RBM47: variants seen among roughly 807,000 people sequenced by gnomAD.
RBM47 encodes the protein RNA binding motif protein 47.
Under a neutral mutation model 47.1 loss-of-function variants are expected in RBM47, and 21 were observed. That is an observed-to-expected ratio of 0.45 (90% CI 0.32 to 0.64). RBM47 has a LOEUF of 0.64. Ranked by LOEUF, RBM47 falls within the 30% of genes least tolerant of loss-of-function variation. RBM47 has a pLI of 0.05. For synonymous variants in RBM47, 375 were observed against 361.7 expected (o/e 1.04, Z -0.42); for missense variants, 708 against 870.9 (o/e 0.81, Z 2.35).
intron 1 of RBM47, among the ~76,000 whole-genome samples, chr4:40,574,814 C>A (rs1301431660): frequency 6.6e-6 from 1 of 152,166 alleles, no homozygotes; most frequent in Non-Finnish European, 1.5e-5. Flanking sequence ...CACACAACTG[C>A]ACTCTAGCCT....
chr4:40,458,896 T>C (rs1716684608), intron 3 of RBM47, among the ~76,000 whole-genome samples: 1 of 152,134 alleles, frequency 6.6e-6, no homozygotes, highest in Non-Finnish European at 1.5e-5. Context: ...CTTTAAAAAT[T>C]TGGAAAAGTA....
intron 1 of RBM47, among the ~76,000 whole-genome samples, chr4:40,609,267 G>A (rs1736036325): frequency 6.6e-6 from 1 of 151,714 alleles, no homozygotes; most frequent in African/African-American, 2.4e-5. Context: ...TGGGATTACA[G>A]GTATGAGCCA....
intron 3 of RBM47, among the ~76,000 whole-genome samples, chr4:40,456,017 T>C (rs1716182239): frequency 6.6e-6 from 1 of 152,250 alleles, no homozygotes; most frequent in Non-Finnish European, 1.5e-5. Context: ...TATTACCTTC[T>C]ACATTTATGT....
At chr4:40,615,988 C>T (rs772453916) in intron 1 of RBM47, among the ~76,000 whole-genome samples, 5 of 152,146 alleles carry the variant, frequency 3.3e-5, no homozygotes, top group Non-Finnish European at 5.9e-5. Flanking sequence ...TCTATAGCCA[C>T]GGTTGCAAAA....
intron 2 of RBM47, among the ~76,000 whole-genome samples, chr4:40,481,349 T>C (rs1440522493): frequency 1.3e-5 from 2 of 150,216 alleles, no homozygotes; most frequent in East Asian, 3.9e-4. Flanking sequence ...CTTGGCTCAC[T>C]GTAACATCTG....
chr4:40,627,898 TAAA>T (rs567982559), intron 1 of RBM47, among the ~76,000 whole-genome samples: 3 of 151,882 alleles, frequency 2.0e-5, no homozygotes, highest in Non-Finnish European at 4.4e-5. Flanking sequence ...TAGAGATTGG[TAAA>T]AAAAATGATG....
At chr4:40,458,752 T>C (rs1716658155) in intron 3 of RBM47, among the ~76,000 whole-genome samples, 2 of 151,070 alleles carry the variant, frequency 1.3e-5, no homozygotes, top group Non-Finnish European at 2.9e-5. Flanking sequence ...CTGGTGATAA[T>C]TGTTTTTTTT....
At chr4:40,589,352 T>G (rs886601216) in intron 1 of RBM47, among the ~76,000 whole-genome samples, 1 of 152,232 alleles carries the variant, frequency 6.6e-6, no homozygotes, top group Non-Finnish European at 1.5e-5. Context: ...TGTGTGAGGG[T>G]TGCACATGCC....
chr4:40,594,509 T>TACAGG (rs71648911), intron 1 of RBM47, among the ~76,000 whole-genome samples: 12 of 151,714 alleles, frequency 7.9e-5, no homozygotes, highest in African/African-American at 2.9e-4. Context: ...CTGTCAAAGC[T>TACAGG]ACTCCTCTGC....
chr4:40,608,979 C>T (rs1365848360), intron 1 of RBM47, among the ~76,000 whole-genome samples: 1 of 151,536 alleles, frequency 6.6e-6, no homozygotes, highest in Non-Finnish European at 1.5e-5. Context: ...GTCTCCATAC[C>T]TCTTCTTTTA....
At chr4:40,475,346 C>A (rs546839030) in intron 2 of RBM47, among the ~76,000 whole-genome samples, 1 of 152,172 alleles carries the variant, frequency 6.6e-6, no homozygotes, top group Non-Finnish European at 1.5e-5. Flanking sequence ...ATGGGCAACA[C>A]TGCTGATAAA....
chr4:40,583,346 G>A (rs1214235630), intron 1 of RBM47, among the ~76,000 whole-genome samples: 2 of 144,130 alleles, frequency 1.4e-5, no homozygotes, highest in Non-Finnish European at 3.0e-5. Context: ...CCTGAGAGGT[G>A]GAGGTTGCAG....
chr4:40,437,090 AATAT>A lies in RBM47; in HGVS notation c.1124-447_1124-444del, dbSNP rs1247522305. On this transcript the variant is annotated intron_variant, in intron 4 of 6. Coordinates refer to ENST00000295971, the MANE Select transcript of RBM47 (RefSeq NM_001098634.2). ...CCCTGTCTCAAAAAAAAAAAAAAAA[AATAT>A]ATATATATATATATATAAAATACAT... Among the ~76,000 whole-genome samples, 164 of 49,802 alleles carry A rather than the reference AATAT, an allele frequency of 3.3e-3. 19 individuals carry two copies. Among genetic ancestry groups the A allele is most frequent in the South Asian group, 9.1e-3 (17 of 1,878 alleles). 32.7% of individuals were successfully genotyped at this position (49,802 alleles called of 152,430 possible).
At position 40,423,680 on chromosome 4, in the gene RBM47, CTTTCTTTCTT is replaced by C. The variant is rs1453277013; in HGVS notation, c.*2214_*2223del. ...TCTTTCTTTCTTTCTTTCTTTCTTT[CTTTCTTTCTT>C]TCTTTCTTTCTTTCTTTCTTTCTTT... On this transcript the variant is annotated 3_prime_UTR_variant, in exon 7 of 7. Transcript: ENST00000295971. The C allele has an allele frequency of 1.7e-4, 17 of 100,986 alleles. No homozygotes were observed. Among genetic ancestry groups the C allele is most frequent in the African/African-American group, 9.1e-4 (17 of 18,614 alleles). The allele number at this position is 100,986 out of a possible 1,614,324, so 6.3% of individuals were successfully genotyped here.
chr4:40,438,505 T>C lies in RBM47; in HGVS notation c.389A>G (p.Glu130Gly). The change falls in exon 4 of 7, where the codon GAG becomes GGG. Residue 130 changes from glutamate to glycine, a missense_variant. Physicochemically the swap from Glu to Gly is moderately conservative, Grantham distance 98. Transcript: ENST00000295971. Reference sequence around the variant, plus strand: ...CGGGCGGATCTCGTAGTTGTTGAGCTCACGCACTGCGCGCTTGGCCTCGTG... The same window carrying C: ...CGGGCGGATCTCGTAGTTGTTGAGCCCACGCACTGCGCGCTTGGCCTCGTG... ...HKHEAKRAVR[E>G]LNNYEIRPGR... The C allele has an allele frequency of 6.2e-7, 1 of 1,613,658 alleles. No homozygotes were observed. The highest frequency in any genetic ancestry group is 8.5e-7 in the Non-Finnish European group (1 of 1,179,928).
At chr4:40,445,974 G>C (rs1012579834) in intron 3 of RBM47, among the ~76,000 whole-genome samples, 2 of 152,198 alleles carry the variant, frequency 1.3e-5, no homozygotes, top group Admixed American at 1.3e-4. Context: ...AAAAGGGACT[G>C]GGCATTCTGG....
At chr4:40,519,125 G>A (rs902214671) in intron 2 of RBM47, among the ~76,000 whole-genome samples, 2 of 151,926 alleles carry the variant, frequency 1.3e-5, no homozygotes, top group African/African-American at 2.4e-5. Context: ...TGCTTGGGCC[G>A]GGACTCCTCA....
At chr4:40,511,214 T>A (rs560137856) in intron 2 of RBM47, among the ~76,000 whole-genome samples, 2 of 152,314 alleles carry the variant, frequency 1.3e-5, no homozygotes, top group South Asian at 4.1e-4. Flanking sequence ...CCTTGAAAGG[T>A]TGTCACCTAC....
At chr4:40,595,472 C>T (rs187624202) in intron 1 of RBM47, among the ~76,000 whole-genome samples, 44 of 151,266 alleles carry the variant, frequency 2.9e-4, no homozygotes, top group Admixed American at 1.3e-3. Flanking sequence ...CCAGCCTGGG[C>T]GACAGAGCAA....
Sources: allele counts gnomAD v4.1 joint callset (sites outside exome capture counted in the v4.1 genomes callset), GRCh38; gene constraint gnomAD v4.1.1; transcripts MANE v1.5; gene names NCBI Gene and HGNC (gene_info 2026-07-23, HGNC 2026-07-21).